Variants in NAALADL2 observed in about 807,000 individuals in gnomAD.
NAALADL2 encodes the protein inactive N-acetylated-alpha-linked acidic dipeptidase-like protein 2.
NAALADL2 carries 76 observed loss-of-function variants against 87.2 expected under a neutral mutation model. The observed-to-expected ratio is 0.87, with a 90% CI of 0.72 to 1.05. The LOEUF (loss-of-function observed/expected upper bound fraction) is 1.05, where lower values mean the gene tolerates loss of function less well. NAALADL2 is among the 50% of genes least tolerant of loss of function. NAALADL2 has a pLI of 0.00. For synonymous variants in NAALADL2, 354 were observed against 331.0 expected, an observed-to-expected ratio of 1.07 and a Z score of -0.75; for missense variants, 1,089 against 945.8, an observed-to-expected ratio of 1.15 and a Z score of -1.99.
intron 3 of NAALADL2, among the ~76,000 whole-genome samples, chr3:174,773,580 A>G (rs1714842129): frequency 6.6e-6 from 1 of 152,192 alleles, no homozygotes; most frequent in Non-Finnish European, 1.5e-5. Context: ...GTGTGCCTTC[A>G]AGATATACTT....
intron 2 of NAALADL2, among the ~76,000 whole-genome samples, chr3:175,126,396 C>A (rs1440995667): frequency 6.6e-6 from 1 of 152,070 alleles, no homozygotes; most frequent in African/African-American, 2.4e-5. Flanking sequence ...AGCTGTCTCA[C>A]TCACTGCACA....
chr3:174,914,341 G>A (rs1734093087), intron 1 of NAALADL2, among the ~76,000 whole-genome samples: 1 of 152,114 alleles, frequency 6.6e-6, no homozygotes, highest in African/African-American at 2.4e-5. Flanking sequence ...AGGATTACAG[G>A]TGTGAGCCAC....
intron 1 of NAALADL2, among the ~76,000 whole-genome samples, chr3:174,531,262 C>T (rs1721212211): frequency 6.6e-6 from 1 of 151,618 alleles, no homozygotes; most frequent in African/African-American, 2.4e-5. Flanking sequence ...ATTTCCATGG[C>T]TCTGCATTTT....
At chr3:174,461,370 A>C (rs1156885835) in intron 1 of NAALADL2, among the ~76,000 whole-genome samples, 1 of 152,114 alleles carries the variant, frequency 6.6e-6, no homozygotes, top group African/African-American at 2.4e-5. Flanking sequence ...ATCTAGATTT[A>C]ATAATCATAT....
intron 11 of NAALADL2, among the ~76,000 whole-genome samples, chr3:175,723,138 T>C (rs971103536): frequency 5.9e-5 from 9 of 152,132 alleles, no homozygotes; most frequent in Non-Finnish European, 7.3e-5. Flanking sequence ...ACAGCATTTA[T>C]ATGAGCAAGT....
chr3:175,098,554 A>T (rs1311031590), intron 2 of NAALADL2, among the ~76,000 whole-genome samples: 1 of 152,168 alleles, frequency 6.6e-6, no homozygotes, highest in African/African-American at 2.4e-5. Context: ...AGAGAGAGGG[A>T]AATACCTCAG....
At chr3:175,752,148 T>C (rs1746694681) in intron 12 of NAALADL2, among the ~76,000 whole-genome samples, 1 of 152,088 alleles carries the variant, frequency 6.6e-6, no homozygotes, top group Admixed American at 6.6e-5. Context: ...AAAACAGATA[T>C]TATGCTACGA....
chr3:175,368,652 A>G (rs1766015088), intron 5 of NAALADL2, among the ~76,000 whole-genome samples: 1 of 151,838 alleles, frequency 6.6e-6, no homozygotes, highest in African/African-American at 2.4e-5. Context: ...TTAATAATGG[A>G]GATGCTTTCT....
At chr3:174,815,830 G>GT (rs10589968) in intron 3 of NAALADL2, among the ~76,000 whole-genome samples, 16,207 of 113,918 alleles carry the variant, frequency 0.14, 2,199 homozygotes, top group Non-Finnish European at 0.2. Flanking sequence ...TTTGACTTTA[G>GT]TTTTTTTTTT....
chr3:175,070,304 C>T (rs1395990070), intron 1 of NAALADL2, among the ~76,000 whole-genome samples: 1 of 148,634 alleles, frequency 6.7e-6, no homozygotes, highest in Non-Finnish European at 1.5e-5. Context: ...AGGATTCGAA[C>T]ATAGAATTAT....
chr3:174,734,532 C>A (rs1210538859), intron 2 of NAALADL2, among the ~76,000 whole-genome samples: 1 of 152,118 alleles, frequency 6.6e-6, no homozygotes, highest in African/African-American at 2.4e-5. Flanking sequence ...AGAGAGTGTG[C>A]AAACTCTCAG....
intron 4 of NAALADL2, among the ~76,000 whole-genome samples, chr3:175,305,288 A>G (rs201227240): frequency 3.4e-5 from 3 of 87,258 alleles, no homozygotes; most frequent in African/African-American, 7.4e-5. Context: ...ATGTGTGTGT[A>G]TGTGTTCTCC....
chr3:175,239,799 C>T (rs1334186672), intron 3 of NAALADL2, among the ~76,000 whole-genome samples: 1 of 152,172 alleles, frequency 6.6e-6, no homozygotes, highest in East Asian at 1.9e-4. Context: ...CAGGTCAATT[C>T]TGTACGACTC....
intron 2 of NAALADL2, among the ~76,000 whole-genome samples, chr3:175,221,197 T>TAA (rs1560184158): frequency 1.1e-3 from 60 of 54,864 alleles, no homozygotes; most frequent in African/African-American, 4.4e-3. Context: ...AGACTCCGTT[T>TAA]TAAAAAAAAA....
At chr3:174,737,087 T>A (rs2108999197) in intron 2 of NAALADL2, among the ~76,000 whole-genome samples, 2 of 152,356 alleles carry the variant, frequency 1.3e-5, no homozygotes, top group African/African-American at 4.8e-5. Context: ...AGATTCCACC[T>A]GTTCCTGGCT....
intron 3 of NAALADL2, among the ~76,000 whole-genome samples, chr3:175,245,958 A>T (rs755882068): frequency 1.4e-4 from 21 of 152,168 alleles, no homozygotes; most frequent in South Asian, 2.1e-4. Context: ...TGAAAACATG[A>T]TGATTGCTTA....
chr3:175,291,207 A>G (rs529490703), intron 4 of NAALADL2, among the ~76,000 whole-genome samples: 32 of 152,274 alleles, frequency 2.1e-4, no homozygotes, highest in Non-Finnish European at 3.2e-4. Flanking sequence ...CAAAAAATCT[A>G]CTAACTTGCT....
intron 2 of NAALADL2, among the ~76,000 whole-genome samples, chr3:174,618,613 T>C (rs1720708186): frequency 6.6e-6 from 1 of 151,802 alleles, no homozygotes; most frequent in South Asian, 2.1e-4. Context: ...TCTGCAGTGT[T>C]ACAGGCTGAG....
chr3:174,728,922 A>G (rs953263668), intron 2 of NAALADL2, among the ~76,000 whole-genome samples: 5 of 152,044 alleles, frequency 3.3e-5, no homozygotes, highest in Non-Finnish European at 5.9e-5. Flanking sequence ...AACTCATTGG[A>G]CCGCCTCATC....
Sources: gnomAD v4.1 joint callset for allele counts (sites outside exome capture counted in the v4.1 genomes callset) on GRCh38, gnomAD v4.1.1 for gene constraint, MANE v1.5 for transcripts, NCBI Gene and HGNC (gene_info 2026-07-23, HGNC 2026-07-21) for gene names.